The following MAGI2 variants were observed in gnomAD, a reference collection of about 807,000 sequenced individuals.
The protein encoded by MAGI2 is membrane-associated guanylate kinase, WW and PDZ domain-containing protein 2.
A neutral mutation model predicts 133.3 loss-of-function variants in MAGI2; 35 were observed. The ratio of observed to expected loss-of-function variants is 0.26; its 90% CI spans 0.20 to 0.35. The LOEUF (loss-of-function observed/expected upper bound fraction) is 0.35. MAGI2 is among the 10% of genes least tolerant of loss of function. The probability of loss-of-function intolerance (pLI) is 1.00; values close to 1 mark genes in which losing one functional copy is unlikely to be tolerated. For missense variants in MAGI2, 1,636 were observed against 1,863.4 expected, an observed-to-expected ratio of 0.88 and a Z score of 2.25; for synonymous variants, 729 against 710.6, an observed-to-expected ratio of 1.03 and a Z score of -0.41.
intron 1 of MAGI2, among the ~76,000 whole-genome samples, chr7:79,343,053 C>T (rs1841024651): frequency 6.6e-6 from 1 of 152,100 alleles, no homozygotes. Flanking sequence ...CGTGATCCAT[C>T]ATGCCCGGCC....
intron 6 of MAGI2, among the ~76,000 whole-genome samples, chr7:78,372,077 T>A (rs112745687): frequency 2.6e-5 from 4 of 152,152 alleles, no homozygotes; most frequent in African/African-American, 9.6e-5. Context: ...TGTATATGTA[T>A]ATATGCATGT....
At chr7:79,052,765 A>G (rs930261157) in intron 1 of MAGI2, among the ~76,000 whole-genome samples, 2 of 152,176 alleles carry the variant, frequency 1.3e-5, no homozygotes, top group Non-Finnish European at 2.9e-5. Flanking sequence ...TCAACTGCTA[A>G]TTTCTTCTTA....
intron 2 of MAGI2, among the ~76,000 whole-genome samples, chr7:78,826,182 C>G (rs181851007): frequency 2.8e-4 from 42 of 151,796 alleles, no homozygotes; most frequent in Non-Finnish European, 1.3e-4. Flanking sequence ...GAAACCCTGT[C>G]TCCACTAAAA....
intron 1 of MAGI2, among the ~76,000 whole-genome samples, chr7:79,108,579 T>A (rs989229493): frequency 5.3e-5 from 8 of 152,224 alleles, no homozygotes; most frequent in African/African-American, 1.7e-4. Flanking sequence ...ATACTACCCA[T>A]CAAGTTTTGC....
intron 5 of MAGI2, among the ~76,000 whole-genome samples, chr7:78,500,961 A>T (rs538293080): frequency 1.3e-5 from 2 of 152,102 alleles, no homozygotes; most frequent in Non-Finnish European, 2.9e-5. Context: ...GGTGGTATGC[A>T]CCTGTGGCCC....
intron 9 of MAGI2, among the ~76,000 whole-genome samples, chr7:78,282,044 T>TTGCAACAATCACTTCATCTATGAAAC (rs397709785): frequency 4.6e-5 from 7 of 151,652 alleles, no homozygotes; most frequent in Non-Finnish European, 1.0e-4. Flanking sequence ...GAATTGCCTT[T>TTGCAACAATCACTTCATCTATGAAAC]GCAACAATCA....
intron 2 of MAGI2, among the ~76,000 whole-genome samples, chr7:78,817,036 G>T (rs545836542): frequency 6.6e-6 from 1 of 152,348 alleles, no homozygotes; most frequent in African/African-American, 2.4e-5. Flanking sequence ...ATGGGAGGAG[G>T]TGAAAACAGT....
intron 1 of MAGI2, among the ~76,000 whole-genome samples, chr7:79,274,453 A>T (rs1835092092): frequency 6.6e-6 from 1 of 152,032 alleles, no homozygotes; most frequent in South Asian, 2.1e-4. Flanking sequence ...CCGCTTCCCC[A>T]CAGGGAAGCA....
chr7:78,669,163 T>C (rs573161076), intron 2 of MAGI2, among the ~76,000 whole-genome samples: 1 of 152,124 alleles, frequency 6.6e-6, no homozygotes, highest in East Asian at 1.9e-4. Context: ...ACAAAATTGA[T>C]AGACCGATAG....
chr7:78,242,104 G>A (rs1791213210), intron 10 of MAGI2, among the ~76,000 whole-genome samples: 2 of 152,160 alleles, frequency 1.3e-5, no homozygotes, highest in Admixed American at 6.5e-5. Context: ...ACACAAGAAC[G>A]TGTACTACCT....
intron 6 of MAGI2, among the ~76,000 whole-genome samples, chr7:78,381,164 T>C (rs1410342604): frequency 6.6e-6 from 1 of 152,132 alleles, no homozygotes; most frequent in African/African-American, 2.4e-5. Context: ...CTGGCCAACA[T>C]GGCGAAACCT....
chr7:78,215,174 A>G (rs756177777), intron 10 of MAGI2, among the ~76,000 whole-genome samples: 30 of 152,228 alleles, frequency 2.0e-4, no homozygotes, highest in Non-Finnish European at 4.3e-4. Flanking sequence ...AGGGAAGGGA[A>G]ACGTTAATGA....
rs1392123200 is a variant in MAGI2 at position 79,077,577 on chromosome 7, A to C, written c.302-70371T>G. ...GCAACAGAGCGAGACTGCCTCTCAAAAAAAAAAAAAAAAAAAAATAAATAA... is the reference window on the plus strand; with the variant it reads ...GCAACAGAGCGAGACTGCCTCTCAACAAAAAAAAAAAAAAAAAATAAATAA... On this transcript the variant is annotated intron_variant, in intron 1 of 21. Transcript: ENST00000354212. Among the ~76,000 whole-genome samples the C allele has an allele frequency of 3.2e-5, 3 of 93,254 alleles. 1 individual carries two copies. The highest frequency in any genetic ancestry group is 7.4e-5 in the Non-Finnish European group (3 of 40,674). 61.2% of individuals were successfully genotyped at this position (93,254 alleles called of 152,430 possible).
intron 1 of MAGI2, among the ~76,000 whole-genome samples, chr7:79,128,990 C>G: frequency 6.6e-6 from 1 of 152,160 alleles, no homozygotes; most frequent in East Asian, 1.9e-4. Context: ...TCCACCTCAG[C>G]CTCCCGAGTA....
intron 2 of MAGI2, among the ~76,000 whole-genome samples, chr7:78,988,826 A>G (rs1805501516): frequency 6.6e-6 from 1 of 152,066 alleles, no homozygotes; most frequent in African/African-American, 2.4e-5. Context: ...AAGGTATTTC[A>G]TTAAAACCAA....
chr7:78,804,763 A>AAAAAC (rs1554576109), intron 2 of MAGI2, among the ~76,000 whole-genome samples: 1 of 146,350 alleles, frequency 6.8e-6, no homozygotes, highest in African/African-American at 2.6e-5. Flanking sequence ...AAAAAAAAAA[A>AAAAAC]AAAAAAAAAC....
At chr7:78,313,252 C>G (rs1439833060) in intron 9 of MAGI2, among the ~76,000 whole-genome samples, 7 of 152,012 alleles carry the variant, frequency 4.6e-5, no homozygotes, top group Admixed American at 4.6e-4. Context: ...ACCATGTACA[C>G]TATTCAGGTA....
intron 2 of MAGI2, among the ~76,000 whole-genome samples, chr7:78,919,782 AT>A (rs542261509): frequency 1.5e-4 from 23 of 152,138 alleles, no homozygotes; most frequent in Non-Finnish European, 3.1e-4. Context: ...ATGCAAATGT[AT>A]GCTTTTAAAA....
At chr7:79,310,264 G>A (rs1838178469) in intron 1 of MAGI2, among the ~76,000 whole-genome samples, 1 of 143,664 alleles carries the variant, frequency 7.0e-6, no homozygotes, top group South Asian at 2.3e-4. Flanking sequence ...AAAATTATCT[G>A]CTATGTACAG....
Sources: allele counts gnomAD v4.1 joint callset (sites outside exome capture counted in the v4.1 genomes callset), GRCh38; gene constraint gnomAD v4.1.1; transcripts MANE v1.5; gene names NCBI Gene and HGNC (gene_info 2026-07-23, HGNC 2026-07-21).